The following CDH17 variants were observed in gnomAD, a reference collection of about 807,000 sequenced individuals.
CDH17 encodes cadherin 17.
CDH17 carries 67 observed loss-of-function variants against 86.3 expected under a neutral mutation model. That is an observed-to-expected ratio of 0.78 (90% CI 0.64 to 0.95). The LOEUF (loss-of-function observed/expected upper bound fraction) is 0.95. Ranked by LOEUF, CDH17 falls within the 40% of genes least tolerant of loss-of-function variation. CDH17 has a pLI of 0.00. For synonymous variants in CDH17, 367 were observed against 366.4 expected, an observed-to-expected ratio of 1.00 and a Z score of -0.02; for missense variants, 993 against 1,017.6, an observed-to-expected ratio of 0.98 and a Z score of 0.33.
At chr8:94,215,373 T>C (rs537899866) in intron 1 of CDH17, among the ~76,000 whole-genome samples, 7 of 152,306 alleles carry the variant, frequency 4.6e-5, no homozygotes, top group African/African-American at 1.7e-4. Context: ...TTATGCTTAG[T>C]GAAAAAAGTC....
chr8:94,153,472 A>C lies in CDH17; in HGVS notation c.1552-1360T>G, dbSNP rs182985313. ...TATGGAGGAAACTCAAACAATTAAA[A>C]ATAGAACTACCATACGATCCAGAAA... On this transcript the variant is annotated intron_variant, in intron 12 of 17. Coordinates refer to ENST00000027335, the MANE Select transcript of CDH17 (RefSeq NM_004063.4). Among the ~76,000 whole-genome samples the C allele has an allele frequency of 2.6e-4, 40 of 152,340 alleles. 1 individual carries two copies. In the East Asian group the frequency reaches 7.3e-3, roughly 28 times the overall value.
Position 94,174,169 on chromosome 8 carries a change from G to A in CDH17, c.516C>T (p.Pro172=), listed in dbSNP as rs1462698952. ...QLYYQIVIQL[P]MINNVMYFQI... ...GAAAGTACATGACATTGTTGATCAT[G>A]GGAAGCTGGATGACAATCTGGTAAT... The change falls in exon 6 of 18, where the codon CCC becomes CCT. Residue 172 remains proline, a synonymous_variant. Coordinates refer to ENST00000027335, the MANE Select transcript of CDH17 (RefSeq NM_004063.4). 8 of 1,613,708 alleles carry A rather than the reference G, an allele frequency of 5.0e-6. No homozygotes were observed. The highest frequency in any genetic ancestry group is 3.3e-5 in the South Asian group (3 of 91,058).
At chr8:94,130,451 G>T (rs1249242926) in intron 17 of CDH17, among the ~76,000 whole-genome samples, 175 bp downstream of exon 17, 1 of 152,218 alleles carries the variant, frequency 6.6e-6, no homozygotes, top group East Asian at 1.9e-4. Flanking sequence ...TAGTACTAAA[G>T]CTGTAACTCC....
At chr8:94,215,676 A>T (rs1276898024) in intron 1 of CDH17, among the ~76,000 whole-genome samples, 1 of 152,172 alleles carries the variant, frequency 6.6e-6, no homozygotes, top group African/African-American at 2.4e-5. Context: ...AGCTGTTCTT[A>T]AAAAAAGTAT....
At chr8:94,180,499 G>A (rs62526262) in intron 3 of CDH17, among the ~76,000 whole-genome samples, 15,006 of 151,192 alleles carry the variant, frequency 0.099, 984 homozygotes, top group South Asian at 0.15. Flanking sequence ...TTGAAAGATA[G>A]AGAATCTTAA....
At position 94,170,989 on chromosome 8, in the gene CDH17, C is replaced by T. The variant is rs368447169; in HGVS notation, c.784-4G>A. The T allele has an allele frequency of 1.2e-6, 2 of 1,613,310 alleles. No homozygotes were observed. Among genetic ancestry groups the T allele is most frequent in the Non-Finnish European group, 8.5e-7 (1 of 1,179,634 alleles). ...CACCGGGATCATTCCACCGCACCTA[C>T]AGGGCCCAAAGTCAGTTGTGAGGAA... On this transcript the variant is annotated splice_polypyrimidine_tract_variant and splice_region_variant and intron_variant, in intron 7 of 17. Coordinates refer to ENST00000027335, the MANE Select transcript of CDH17 (RefSeq NM_004063.4).
chr8:94,216,321 G>A (rs1056394389), intron 1 of CDH17, among the ~76,000 whole-genome samples: 4 of 152,150 alleles, frequency 2.6e-5, no homozygotes, highest in African/African-American at 9.7e-5. Context: ...GCCTTGGGTG[G>A]TCCACAGGAG....
chr8:94,135,609 T>C (rs1213970047), intron 15 of CDH17, among the ~76,000 whole-genome samples: 1 of 152,212 alleles, frequency 6.6e-6, no homozygotes, highest in Non-Finnish European at 1.5e-5. Context: ...CTTTATCCAA[T>C]TTGCCAGTCT....
intron 12 of CDH17, among the ~76,000 whole-genome samples, chr8:94,156,869 G>A (rs1812959191): frequency 6.6e-6 from 1 of 152,162 alleles, no homozygotes; most frequent in Admixed American, 6.5e-5. Context: ...TTACTAGAAA[G>A]GTGCTACCAT....
At chr8:94,162,243 G>A in intron 10 of CDH17, 81 bp from the exon 11 acceptor site, 3 of 935,266 alleles carry the variant, frequency 3.2e-6, no homozygotes, top group Non-Finnish European at 5.2e-6. Context: ...AAAATACTTG[G>A]CAAGTGAAGT....
intron 15 of CDH17, among the ~76,000 whole-genome samples, chr8:94,132,080 A>T (rs1029928539): frequency 6.6e-6 from 1 of 152,142 alleles, no homozygotes; most frequent in Non-Finnish European, 1.5e-5. Flanking sequence ...TCTATCATTG[A>T]TGGACATTTT....
At chr8:94,177,488 C>G (rs1813396807) in intron 4 of CDH17, 99 bp downstream of exon 4, 2 of 1,268,100 alleles carry the variant, frequency 1.6e-6, no homozygotes, top group Admixed American at 3.9e-5. Flanking sequence ...AAAGCTGTAA[C>G]TGGATTCTGT....
At chr8:94,211,399 C>A (rs1459034405), upstream of CDH17, among the ~76,000 whole-genome samples, 1 of 152,170 alleles carries the variant, frequency 6.6e-6, no homozygotes, top group Non-Finnish European at 1.5e-5. Flanking sequence ...GCAACCTCCG[C>A]CTCCCAGTTT....
At chr8:94,173,124 T>G (rs1206064728) in intron 7 of CDH17, among the ~76,000 whole-genome samples, 1 of 152,122 alleles carries the variant, frequency 6.6e-6, no homozygotes, top group Admixed American at 6.5e-5. Context: ...ACAACAAACA[T>G]CACTGCTGTC....
At chr8:94,176,114 C>T (rs1404150780) in intron 5 of CDH17, among the ~76,000 whole-genome samples, 2 of 152,038 alleles carry the variant, frequency 1.3e-5, no homozygotes, top group Non-Finnish European at 2.9e-5. Context: ...CTCAAACTCC[C>T]AGGCTGTTCT....
At chr8:94,163,651 G>A (rs1813101021) in intron 10 of CDH17, among the ~76,000 whole-genome samples, 1 of 152,220 alleles carries the variant, frequency 6.6e-6, no homozygotes. Flanking sequence ...ACTCTTTGAG[G>A]GGAGTCTCCA....
At chr8:94,172,136 C>T (rs528740064) in intron 7 of CDH17, among the ~76,000 whole-genome samples, 1 of 151,712 alleles carries the variant, frequency 6.6e-6, no homozygotes, top group East Asian at 2.0e-4. Flanking sequence ...AGAATTTTCC[C>T]TTGGCAGCCC....
chr8:94,203,082 G>A (rs554007151), intron 1 of CDH17: 60 of 176,430 alleles, frequency 3.4e-4, no homozygotes, highest in African/African-American at 1.4e-3. Context: ...ATGTTTAGAC[G>A]CTCTTGTCAT....
At chr8:94,193,221 C>T (rs922059085) in intron 2 of CDH17, among the ~76,000 whole-genome samples, 1 of 152,162 alleles carries the variant, frequency 6.6e-6, no homozygotes, top group Non-Finnish European at 1.5e-5. Context: ...ATGTTCCCTT[C>T]TCAGACAAGA....
Sources: allele counts gnomAD v4.1 joint callset (sites outside exome capture counted in the v4.1 genomes callset), GRCh38; gene constraint gnomAD v4.1.1; transcripts MANE v1.5; gene names NCBI Gene and HGNC (gene_info 2026-07-23, HGNC 2026-07-21).